The following BOK variants were observed in gnomAD, a reference collection of about 807,000 sequenced individuals.
BOK encodes the protein bcl-2-related ovarian killer protein.
Under a neutral mutation model 18.3 loss-of-function variants are expected in BOK, and 20 were observed. That is an observed-to-expected ratio of 1.09 (90% CI 0.77 to 1.59). The LOEUF (loss-of-function observed/expected upper bound fraction) is 1.59. Ranked by LOEUF, BOK falls within the 40% of genes most tolerant of loss-of-function variation. The probability of loss-of-function intolerance (pLI) is 0.00; values close to 1 mark genes in which losing one functional copy is unlikely to be tolerated. For missense variants in BOK, 348 were observed against 307.9 expected (o/e 1.13, Z -0.97); for synonymous variants, 173 against 142.4 (o/e 1.21, Z -1.53).
intron 2 of BOK, chr2:241,560,270 G>C: frequency 6.1e-6 from 6 of 985,184 alleles, no homozygotes; most frequent in Non-Finnish European, 7.2e-6. Flanking sequence ...CCAAGGTCTG[G>C]ACCCAAGAGG....
intron 3 of BOK, among the ~76,000 whole-genome samples, chr2:241,567,805 T>C (rs2066639023): frequency 8.2e-6 from 1 of 121,532 alleles, no homozygotes; most frequent in Non-Finnish European, 1.7e-5. Flanking sequence ...TAAACTCACA[T>C]GACATAATTA....
Position 241,562,272 on chromosome 2 carries a change from G to A in BOK, c.221-76G>A. On this transcript the variant is annotated intron_variant, in intron 2 of 4. Coordinates refer to ENST00000318407, the MANE Select transcript of BOK (RefSeq NM_032515.5). The surrounding 1 kb of genome is among the most constrained non-coding windows in gnomAD (Gnocchi z 4.5). ...CATGGTCAGGTGGGGGTCAGGTGCAGGGTGTGCCCCAAGCCAGTCGTGTCC... is the reference window on the plus strand; with the variant it reads ...CATGGTCAGGTGGGGGTCAGGTGCAAGGTGTGCCCCAAGCCAGTCGTGTCC... 2 of 1,514,106 alleles carry A rather than the reference G, an allele frequency of 1.3e-6. No individual in the cohort carries two copies. The highest frequency in any genetic ancestry group is 1.8e-4 in the Middle Eastern group (1 of 5,598). The allele number at this position is 1,514,106 out of a possible 1,614,324, so 93.8% of individuals were successfully genotyped here.
At chr2:241,554,686 G>A (rs1208725292), upstream of BOK, among the ~76,000 whole-genome samples, 2 of 152,252 alleles carry the variant, frequency 1.3e-5, no homozygotes, top group East Asian at 3.8e-4. Flanking sequence ...TATACAGGGA[G>A]CTGTGGGCTT....
Position 241,572,698 on chromosome 2 carries a change from G to A in BOK, c.*276G>A. On this transcript the variant is annotated 3_prime_UTR_variant, in exon 5 of 5. Transcript: ENST00000318407. ...TCTGTGTTTTCCCTTTTCTTTCTGG[G>A]GCCAGGAAGTCAGGGTCAACTCCCA... 1 of 493,156 alleles carries A rather than the reference G, an allele frequency of 2.0e-6. No homozygotes were observed. Among genetic ancestry groups the A allele is most frequent in the East Asian group, 3.5e-5 (1 of 28,700 alleles). The allele number at this position is 493,156 out of a possible 1,614,324, so 30.5% of individuals were successfully genotyped here.
At chr2:241,559,167 C>T (rs1422012869) in intron 1 of BOK, among the ~76,000 whole-genome samples, 174 bp downstream of exon 1, 2 of 151,360 alleles carry the variant, frequency 1.3e-5, no homozygotes, top group Non-Finnish European at 3.0e-5. Flanking sequence ...GTGCCCTCCG[C>T]CCCCGCCGCC....
Position 241,552,367 on chromosome 2 carries a change from C to G in BOK, n.54+890C>G, listed in dbSNP as rs189587550. Among the ~76,000 whole-genome samples the G allele has an allele frequency of 6.4e-4, 97 of 152,306 alleles. 1 individual carries two copies. Among genetic ancestry groups the G allele is most frequent in the Non-Finnish European group, 1.3e-3 (87 of 68,026 alleles). Reference sequence around the variant, plus strand: ...TGCACTCCAGAGGCTTCCTGCGAGCCGCTTGTGTTCGGCCCCACCCAGTCC... The same window carrying G: ...TGCACTCCAGAGGCTTCCTGCGAGCGGCTTGTGTTCGGCCCCACCCAGTCC... On this transcript the variant is annotated intron_variant and non_coding_transcript_variant, in intron 1 of 1. Coordinates refer to the BOK transcript ENST00000641230.
At chr2:241,561,334 C>T (rs546396472) in intron 2 of BOK, among the ~76,000 whole-genome samples, 23 of 152,264 alleles carry the variant, frequency 1.5e-4, no homozygotes, top group African/African-American at 3.4e-4. Flanking sequence ...GGGCCATCCT[C>T]GGCTGCCAGG....
chr2:241,566,022 C>T (rs185694281), intron 3 of BOK, among the ~76,000 whole-genome samples: 80 of 152,170 alleles, frequency 5.3e-4, no homozygotes, highest in Middle Eastern at 3.4e-3. Flanking sequence ...CAGTGACTCA[C>T]GCCTGTAATC....
chr2:241,556,362 A>G (rs1484182887), upstream of BOK, among the ~76,000 whole-genome samples: 2 of 152,310 alleles, frequency 1.3e-5, no homozygotes, highest in East Asian at 3.9e-4. Context: ...AGGCAGGTAG[A>G]TCACGAGGTC....
upstream of BOK, among the ~76,000 whole-genome samples, chr2:241,555,514 T>C (rs1202229640): frequency 6.6e-6 from 1 of 152,160 alleles, no homozygotes; most frequent in African/African-American, 2.4e-5. Flanking sequence ...TAGCTGGGAT[T>C]ACAGACATGC....
Position 241,559,497 on chromosome 2 carries a change from G to A in BOK, c.14G>A (p.Arg5Gln). ...CGCGTCGCCGCCATGGAGGTGCTGC[G>A]GCGCTCCTCGGTCTTCGCCGCCGAG... Reference protein sequence around the residue: MEVLRRSSVFAAEIM... With the variant: MEVLQRSSVFAAEIM... The change falls in exon 2 of 5, where the codon CGG becomes CAG. Residue 5 changes from arginine (R) to glutamine (Q), a missense_variant. Arg to Gln is a conservative substitution (Grantham distance 43). Transcript: ENST00000318407. The A allele has an allele frequency of 6.7e-7, 1 of 1,481,810 alleles. No homozygotes were observed. Among genetic ancestry groups the A allele is most frequent in the Non-Finnish European group, 8.9e-7 (1 of 1,122,340 alleles). 91.8% of individuals were successfully genotyped at this position (1,481,810 alleles called of 1,614,324 possible).
At chr2:241,560,214 C>T (rs1022121570) in intron 2 of BOK, 2 of 985,342 alleles carry the variant, frequency 2.0e-6, no homozygotes, top group African/African-American at 3.5e-5. Flanking sequence ...TCTGGGGGTG[C>T]TCGGTTCTGG....
intron 3 of BOK, among the ~76,000 whole-genome samples, chr2:241,568,855 T>C (rs2066658957): frequency 6.6e-6 from 1 of 152,238 alleles, no homozygotes; most frequent in African/African-American, 2.4e-5. Context: ...TTGAGCTGAT[T>C]TATGTTTTCA....
Position 241,562,439 on chromosome 2 carries a change from T to C in BOK, c.312T>C (p.Asp104=). The C allele has an allele frequency of 6.2e-7, 1 of 1,612,278 alleles. No homozygotes were observed. Among genetic ancestry groups the C allele is most frequent in the South Asian group, 1.1e-5 (1 of 91,064 alleles). The change falls in exon 3 of 5, where the codon GAT becomes GAC. Residue 104 remains aspartate (D), a synonymous_variant. Transcript: ENST00000318407. The surrounding 1 kb of genome is among the most constrained non-coding windows in gnomAD (Gnocchi z 4.5). ...TGCAGTCTGAGCCTGTGGTGACCGA[T>C]GCGTTCCTGGCCGTGGCTGGCCACA... is the stretch of plus-strand genomic sequence containing the variant. ...ISLQSEPVVT[D]AFLAVAGHIF...
intron 2 of BOK, chr2:241,560,398 CGGGAA>C: frequency 5.8e-6 from 4 of 691,206 alleles, no homozygotes; most frequent in Non-Finnish European, 7.1e-6. Flanking sequence ...TGGCTGAGCC[CGGGAA>C]GGGGAGGTGA....
chr2:241,570,143 T>C lies in BOK; in HGVS notation c.368T>C (p.Val123Ala), dbSNP rs1352511368. Residue 123 changes from valine to alanine, a missense_variant, in exon 4 of 5, where the codon GTG (valine) becomes GCG (alanine). Transcript: ENST00000318407. ...CCTGCAGGCATCACGTGGGGCAAGG[T>C]GGTGTCCCTGTATGCGGTGGCCGCG... ...IFSAGITWGK[V>A]VSLYAVAAGL... 6.2e-7 allele frequency: 1 copy of C among 1,611,480 alleles called. No homozygotes were observed. The highest frequency in any genetic ancestry group is 1.1e-5 in the South Asian group (1 of 90,980).
intron 4 of BOK, among the ~76,000 whole-genome samples, chr2:241,571,138 C>G (rs865808124): frequency 5.1e-4 from 77 of 152,056 alleles, no homozygotes; most frequent in African/African-American, 1.7e-3. Context: ...CCTGGACTCT[C>G]CTCTGCCCAG....
intron 2 of BOK, among the ~76,000 whole-genome samples, chr2:241,561,766 G>A (rs1009763250): frequency 5.3e-5 from 8 of 152,122 alleles, no homozygotes; most frequent in African/African-American, 1.7e-4. Context: ...AGGTGGGAGC[G>A]TGGCAGTGCG....
chr2:241,571,169 C>G, intron 4 of BOK, among the ~76,000 whole-genome samples: 1 of 151,990 alleles, frequency 6.6e-6, no homozygotes, highest in East Asian at 1.9e-4. Flanking sequence ...GACTTACCCC[C>G]GATCCTACCC....
Sources: allele counts gnomAD v4.1 joint callset (sites outside exome capture counted in the v4.1 genomes callset), GRCh38; gene constraint gnomAD v4.1.1; non-coding constraint Gnocchi (gnomAD v3.1); transcripts MANE v1.5; gene names NCBI Gene and HGNC (gene_info 2026-07-23, HGNC 2026-07-21).